PXDNL: variants seen among roughly 807,000 people sequenced by gnomAD.
PXDNL encodes probable oxidoreductase PXDNL.
PXDNL carries 145 observed loss-of-function variants against 150.8 expected under a neutral mutation model. That is an observed-to-expected ratio of 0.96 (90% CI 0.84 to 1.10). PXDNL has a LOEUF of 1.10. Ranked by LOEUF, PXDNL falls within the 50% of genes least tolerant of loss-of-function variation. The pLI is 0.00. For synonymous variants in PXDNL, 757 were observed against 725.7 expected (o/e 1.04, Z -0.69); for missense variants, 2,087 against 1,873.9 (o/e 1.11, Z -2.10).
intron 2 of PXDNL, among the ~76,000 whole-genome samples, chr8:51,625,668 G>A (rs1276682451): frequency 6.6e-6 from 1 of 152,094 alleles, no homozygotes; most frequent in Non-Finnish European, 1.5e-5. Context: ...ATTGCTTAAA[G>A]GAAAAATCAA....
intron 2 of PXDNL, among the ~76,000 whole-genome samples, chr8:51,645,789 G>T (rs1298470247): frequency 1.3e-5 from 2 of 152,150 alleles, no homozygotes; most frequent in African/African-American, 4.8e-5. Context: ...CTGAGCTCGG[G>T]ATGCTGACAG....
chr8:51,718,990 C>CG (rs1329414370), intron 1 of PXDNL, among the ~76,000 whole-genome samples: 6 of 151,386 alleles, frequency 4.0e-5, no homozygotes, highest in Non-Finnish European at 8.9e-5. Flanking sequence ...GGGAGGGAGG[C>CG]GGGGGGCAGC....
chr8:51,529,849 C>T (rs370335866), intron 4 of PXDNL, among the ~76,000 whole-genome samples: 1 of 152,344 alleles, frequency 6.6e-6, no homozygotes, highest in South Asian at 2.1e-4. Flanking sequence ...AGGCCAGGCA[C>T]TATGGATGTT....
intron 4 of PXDNL, among the ~76,000 whole-genome samples, chr8:51,537,359 A>G (rs1257869631): frequency 6.6e-6 from 1 of 152,240 alleles, no homozygotes; most frequent in Admixed American, 6.5e-5. Context: ...CTCTTAAAAC[A>G]TGACTTAGAA....
chr8:51,575,055 AT>A (rs555884185), intron 3 of PXDNL, among the ~76,000 whole-genome samples: 81 of 152,210 alleles, frequency 5.3e-4, no homozygotes, highest in African/African-American at 1.6e-3. Context: ...TGAATAAAAA[AT>A]AATAGCATTT....
At chr8:51,332,567 C>G (rs1805720900) in intron 21 of PXDNL, among the ~76,000 whole-genome samples, 2 of 149,702 alleles carry the variant, frequency 1.3e-5, no homozygotes, top group Non-Finnish European at 3.0e-5. Context: ...AATGCAAGAG[C>G]TTGTATCAAA....
chr8:51,466,179 T>G (rs1810200902), intron 8 of PXDNL, among the ~76,000 whole-genome samples: 1 of 151,952 alleles, frequency 6.6e-6, no homozygotes, highest in African/African-American at 2.4e-5. Flanking sequence ...AAACAAAACA[T>G]GGTGCTAGTA....
At chr8:51,559,344 C>G (rs897560205) in intron 3 of PXDNL, among the ~76,000 whole-genome samples, 21 of 131,704 alleles carry the variant, frequency 1.6e-4, no homozygotes, top group Admixed American at 8.3e-4. Context: ...CCCCCCCCCC[C>G]GCCACCTTCT....
intron 4 of PXDNL, among the ~76,000 whole-genome samples, chr8:51,536,486 A>G (rs1189506828): frequency 6.6e-6 from 1 of 152,186 alleles, no homozygotes; most frequent in East Asian, 1.9e-4. Context: ...GAAATGAAAA[A>G]GGTAATGAAG....
intron 2 of PXDNL, among the ~76,000 whole-genome samples, chr8:51,600,428 T>C (rs1295805761): frequency 7.3e-6 from 1 of 136,768 alleles, no homozygotes; most frequent in African/African-American, 2.7e-5. Flanking sequence ...GTTTAGATAA[T>C]AAATTATATC....
chr8:51,806,722 T>C (rs2037679861), intron 1 of PXDNL, among the ~76,000 whole-genome samples: 1 of 152,216 alleles, frequency 6.6e-6, no homozygotes, highest in East Asian at 1.9e-4. Context: ...ATTGAAAAGC[T>C]AGGGAATGTC....
chr8:51,577,068 T>A (rs1813071280), intron 3 of PXDNL, among the ~76,000 whole-genome samples: 1 of 151,852 alleles, frequency 6.6e-6, no homozygotes, highest in Non-Finnish European at 1.5e-5. Flanking sequence ...TATCAGACAT[T>A]TAATGACAAA....
chr8:51,518,871 C>T (rs1811600457), intron 4 of PXDNL, among the ~76,000 whole-genome samples: 1 of 151,934 alleles, frequency 6.6e-6, no homozygotes, highest in Admixed American at 6.6e-5. Context: ...GTGATAATTG[C>T]AGATGTCACC....
At chr8:51,688,117 G>C (rs1161127623) in intron 1 of PXDNL, among the ~76,000 whole-genome samples, 1 of 152,132 alleles carries the variant, frequency 6.6e-6, no homozygotes, top group Non-Finnish European at 1.5e-5. Flanking sequence ...ATCGTGATCA[G>C]TAAACATTTT....
chr8:51,557,674 C>G (rs1160972330), intron 3 of PXDNL, among the ~76,000 whole-genome samples: 1 of 152,116 alleles, frequency 6.6e-6, no homozygotes, highest in African/African-American at 2.4e-5. Flanking sequence ...GCATCAGAAT[C>G]ACCTGGTGGT....
intron 2 of PXDNL, among the ~76,000 whole-genome samples, chr8:51,593,416 T>A (rs1338940235): frequency 6.6e-6 from 1 of 152,148 alleles, no homozygotes; most frequent in African/African-American, 2.4e-5. Context: ...CATGTCTAAA[T>A]ATAGAGGGAA....
chr8:51,604,590 G>A (rs1332884069), intron 2 of PXDNL, among the ~76,000 whole-genome samples: 4 of 152,232 alleles, frequency 2.6e-5, no homozygotes, highest in Admixed American at 1.3e-4. Context: ...CATGGCACAT[G>A]TATATATATG....
chr8:51,682,396 A>C (rs1031084743), intron 1 of PXDNL, among the ~76,000 whole-genome samples: 5 of 152,182 alleles, frequency 3.3e-5, no homozygotes, highest in African/African-American at 1.2e-4. Context: ...CTTTTGCCTC[A>C]TCTCCTCCTG....
At chr8:51,679,525 C>T (rs1244787482) in intron 1 of PXDNL, among the ~76,000 whole-genome samples, 8 of 152,152 alleles carry the variant, frequency 5.3e-5, no homozygotes, top group Non-Finnish European at 7.3e-5. Context: ...TGACATTAAG[C>T]GACTGACACA....
Sources: allele counts gnomAD v4.1 joint callset (sites outside exome capture counted in the v4.1 genomes callset), GRCh38; gene constraint gnomAD v4.1.1; transcripts MANE v1.5; gene names NCBI Gene and HGNC (gene_info 2026-07-23, HGNC 2026-07-21).